The following ADGRB3 variants were observed in gnomAD, a reference collection of about 807,000 sequenced individuals.
ADGRB3 encodes the protein brain-specific angiogenesis inhibitor 3.
A neutral mutation model predicts 193.4 loss-of-function variants in ADGRB3; 37 were observed. The ratio of observed to expected loss-of-function variants is 0.19; its 90% CI spans 0.15 to 0.25. The LOEUF (loss-of-function observed/expected upper bound fraction) is 0.25, where lower values mean the gene tolerates loss of function less well. Among genes scored for constraint, ADGRB3 ranks in the 10% least tolerant of loss-of-function variants. The pLI, the probability that ADGRB3 is intolerant of heterozygous loss-of-function variation, is 1.00. For missense variants in ADGRB3, 1,637 were observed against 1,852.9 expected, an observed-to-expected ratio of 0.88 and a Z score of 2.14; for synonymous variants, 690 against 644.2, an observed-to-expected ratio of 1.07 and a Z score of -1.08.
intron 3 of ADGRB3, among the ~76,000 whole-genome samples, chr6:68,842,489 T>G (rs1158902811): frequency 6.6e-6 from 1 of 151,852 alleles, no homozygotes; most frequent in Non-Finnish European, 1.5e-5. Flanking sequence ...ATCCAAAACC[T>G]GAATAGATTA....
intron 3 of ADGRB3, among the ~76,000 whole-genome samples, chr6:68,772,078 T>C (rs1173859489): frequency 3.3e-5 from 5 of 152,124 alleles, no homozygotes; most frequent in Admixed American, 1.3e-4. Context: ...GTAGGAGGAA[T>C]TGGAATGCAA....
chr6:69,115,059 C>T (rs554408969), intron 17 of ADGRB3, among the ~76,000 whole-genome samples: 4 of 152,220 alleles, frequency 2.6e-5, no homozygotes, highest in African/African-American at 7.2e-5. Flanking sequence ...GATCTAGAAC[C>T]AGAAATACCA....
intron 20 of ADGRB3, among the ~76,000 whole-genome samples, chr6:69,277,805 T>A (rs1767335296): frequency 6.6e-6 from 1 of 152,202 alleles, no homozygotes; most frequent in African/African-American, 2.4e-5. Context: ...AATTACTTGG[T>A]CACTCTTGCT....
At chr6:69,307,569 C>A (rs1437201221) in intron 20 of ADGRB3, among the ~76,000 whole-genome samples, 7 of 151,710 alleles carry the variant, frequency 4.6e-5, no homozygotes, top group Non-Finnish European at 8.8e-5. Flanking sequence ...AAATTCTGGG[C>A]TTGACCAGGT....
chr6:68,944,204 C>T (rs1002331452), intron 6 of ADGRB3, among the ~76,000 whole-genome samples: 1 of 152,028 alleles, frequency 6.6e-6, no homozygotes, highest in Non-Finnish European at 1.5e-5. Context: ...TCAACATTTA[C>T]CTTTATTATA....
chr6:68,823,119 G>C (rs1013007368), intron 3 of ADGRB3, among the ~76,000 whole-genome samples: 1 of 151,926 alleles, frequency 6.6e-6, no homozygotes, highest in Non-Finnish European at 1.5e-5. Flanking sequence ...AAGATGCTTG[G>C]TAAAGGTACT....
chr6:69,329,517 G>A (rs149754713), intron 22 of ADGRB3, among the ~76,000 whole-genome samples: 7 of 152,250 alleles, frequency 4.6e-5, no homozygotes, highest in South Asian at 2.1e-4. Flanking sequence ...TGAGTTTTGC[G>A]AAATACATAA....
intron 3 of ADGRB3, among the ~76,000 whole-genome samples, chr6:68,729,951 T>C (rs1283326583): frequency 2.0e-5 from 3 of 151,576 alleles, no homozygotes; most frequent in Non-Finnish European, 4.4e-5. Flanking sequence ...GCTTTGCCTT[T>C]GAGAAGCTTA....
At chr6:68,999,869 A>T (rs1341278408) in intron 11 of ADGRB3, among the ~76,000 whole-genome samples, 3 of 152,176 alleles carry the variant, frequency 2.0e-5, no homozygotes, top group East Asian at 3.9e-4. Context: ...ATAATTAATG[A>T]ATAACTAAGG....
At chr6:68,912,540 C>G (rs1016887091) in intron 3 of ADGRB3, among the ~76,000 whole-genome samples, 2 of 151,940 alleles carry the variant, frequency 1.3e-5, no homozygotes, top group Non-Finnish European at 2.9e-5. Flanking sequence ...CACAACAGTC[C>G]CCAGAGTGTG....
At chr6:69,168,010 A>C (rs1362595546) in intron 17 of ADGRB3, among the ~76,000 whole-genome samples, 3 of 152,170 alleles carry the variant, frequency 2.0e-5, no homozygotes, top group African/African-American at 7.2e-5. Context: ...ACGATGTATG[A>C]TCTCCTCATA....
chr6:69,336,725 C>T (rs1768858386), intron 24 of ADGRB3, among the ~76,000 whole-genome samples: 2 of 152,040 alleles, frequency 1.3e-5, no homozygotes, highest in South Asian at 4.2e-4. Context: ...ACTGTTTGAA[C>T]TTTTAATTTT....
At chr6:68,932,409 T>G (rs917176630) in intron 4 of ADGRB3, among the ~76,000 whole-genome samples, 5 of 152,146 alleles carry the variant, frequency 3.3e-5, no homozygotes, top group Non-Finnish European at 7.3e-5. Flanking sequence ...TTTGGTAAAT[T>G]CAAATTTCAA....
intron 16 of ADGRB3, among the ~76,000 whole-genome samples, chr6:69,064,693 A>G (rs1406214960): frequency 1.3e-5 from 2 of 152,126 alleles, no homozygotes; most frequent in African/African-American, 4.8e-5. Flanking sequence ...AGCACCCAGT[A>G]TCAGAATGTG....
chr6:68,853,342 T>C (rs1450475169), intron 3 of ADGRB3, among the ~76,000 whole-genome samples: 1 of 152,052 alleles, frequency 6.6e-6, no homozygotes, highest in Non-Finnish European at 1.5e-5. Context: ...TTTCAAAAGA[T>C]TTTAAAGCTT....
intron 3 of ADGRB3, among the ~76,000 whole-genome samples, chr6:68,713,838 A>G (rs991699334): frequency 6.6e-6 from 1 of 151,736 alleles, no homozygotes; most frequent in Non-Finnish European, 1.5e-5. Flanking sequence ...ATGATAATTT[A>G]TCTATTTATA....
At chr6:69,211,948 A>G (rs1023803437) in intron 17 of ADGRB3, among the ~76,000 whole-genome samples, 21 of 152,220 alleles carry the variant, frequency 1.4e-4, no homozygotes, top group African/African-American at 5.1e-4. Flanking sequence ...CTTAGATATT[A>G]CATAATTCAG....
rs542320851 is a variant in ADGRB3, at chr6:68,979,161, G to A, written c.1734+3821G>A. 7.2e-4 allele frequency among the ~76,000 whole-genome samples: 109 copies of A among 150,964 alleles called. 4 individuals carry two copies. Among genetic ancestry groups the A allele is most frequent in the Non-Finnish European group, 1.5e-3 (98 of 67,534 alleles). On this transcript the variant is annotated intron_variant, in intron 10 of 31. Transcript: ENST00000370598. ...TGCTATAGTCCTAACATAATACTAA[G>A]CATATACTATTAATAAATATTTCAA...
chr6:69,278,394 T>C (rs951408924), intron 20 of ADGRB3, among the ~76,000 whole-genome samples: 1 of 152,242 alleles, frequency 6.6e-6, no homozygotes, highest in Non-Finnish European at 1.5e-5. Context: ...CTCCTTATGA[T>C]GCGTAACAGC....
Sources: gnomAD v4.1 joint callset for allele counts (sites outside exome capture counted in the v4.1 genomes callset) on GRCh38, gnomAD v4.1.1 for gene constraint, MANE v1.5 for transcripts, NCBI Gene and HGNC (gene_info 2026-07-23, HGNC 2026-07-21) for gene names.